DIS3L: variants seen among roughly 807,000 people sequenced by gnomAD.
DIS3L encodes DIS3-like exonuclease 1.
In DIS3L, 100 loss-of-function variants were observed where a neutral mutation model predicts 120.3. That is an observed-to-expected ratio of 0.83 (90% confidence interval 0.71 to 0.98). The LOEUF is 0.98. Ranked by LOEUF, DIS3L falls within the 50% of genes least tolerant of loss-of-function variation. DIS3L has a pLI of 0.00. For synonymous variants in DIS3L, 426 were observed against 470.6 expected (o/e 0.91, Z 1.23); for missense variants, 1,196 against 1,314.2 (o/e 0.91, Z 1.39).
chr15:66,295,285 A>G, intron 2 of DIS3L, 144 bp downstream of exon 2: 1 of 735,614 alleles, frequency 1.4e-6, no homozygotes, highest in South Asian at 2.1e-5. Context: ...TTTGATAGTG[A>G]GGAATGCAGT....
chr15:66,312,626 A>G (rs1227643398), intron 5 of DIS3L, among the ~76,000 whole-genome samples: 1 of 152,192 alleles, frequency 6.6e-6, no homozygotes, highest in Non-Finnish European at 1.5e-5. Flanking sequence ...CCAGGACCCT[A>G]GAACTCAGAT....
At chr15:66,299,051 T>C (rs2092619617) in intron 2 of DIS3L, among the ~76,000 whole-genome samples, 1 of 152,044 alleles carries the variant, frequency 6.6e-6, no homozygotes, top group South Asian at 2.1e-4. Flanking sequence ...GACGCCTAGG[T>C]GGAGGTCCAA....
At chr15:66,305,860 C>T (rs1042413002) in intron 2 of DIS3L, among the ~76,000 whole-genome samples, 21 of 152,138 alleles carry the variant, frequency 1.4e-4, no homozygotes, top group African/African-American at 2.7e-4. Context: ...AGTTGACTCC[C>T]TTTAACATAA....
intron 2 of DIS3L, among the ~76,000 whole-genome samples, chr15:66,300,739 G>C (rs924157608): frequency 1.6e-4 from 24 of 152,196 alleles, no homozygotes; most frequent in African/African-American, 5.8e-4. Context: ...GATGGAGAGA[G>C]GGAACACTAG....
intron 4 of DIS3L, 134 bp from the exon 5 acceptor site, chr15:66,311,590 C>A: frequency 2.0e-6 from 2 of 989,122 alleles, no homozygotes; most frequent in South Asian, 1.4e-5. Context: ...GAGTGAGGCT[C>A]AGGAAGTCCT....
intron 7 of DIS3L, among the ~76,000 whole-genome samples, chr15:66,315,509 AATACAGTACATTGTT>A (rs2092808451): frequency 6.6e-6 from 1 of 152,108 alleles, no homozygotes; most frequent in South Asian, 2.1e-4. Flanking sequence ...AATTTTCAAG[AATACAGTACATTGTT>A]ATTAACTATA....
chr15:66,315,741 T>A (rs1288450766), intron 7 of DIS3L, among the ~76,000 whole-genome samples: 1 of 152,180 alleles, frequency 6.6e-6, no homozygotes, highest in Non-Finnish European at 1.5e-5. Context: ...CAGAGTATAG[T>A]TAACTCCACG....
At chr15:66,322,960 T>C (rs376909875) in intron 10 of DIS3L, 26 bp downstream of exon 10, 4 of 1,612,314 alleles carry the variant, frequency 2.5e-6, no homozygotes, top group Non-Finnish European at 3.4e-6. Flanking sequence ...ATCAGCTCTA[T>C]GGTTGTGTGT....
intron 7 of DIS3L, 49 bp downstream of exon 7, chr15:66,315,264 A>G: frequency 6.5e-7 from 1 of 1,530,730 alleles, no homozygotes. Flanking sequence ...TTGTGGAATT[A>G]TATTTGTCTC....
Position 66,309,094 on chromosome 15 carries a change from A to AAAAAAATAT in DIS3L, c.558+251_558+252insAAAAATATA. Reference sequence around the variant, plus strand: ...CTTGTCTCTACAGAAAAAAAAAAAAAATATATATATCTCCAAGCATGGTGG... The same window carrying AAAAAAATAT: ...CTTGTCTCTACAGAAAAAAAAAAAAAAAAAAATATATATATATATCTCCAAGCATGGTGG... On this transcript the variant is annotated intron_variant, in intron 4 of 16. Transcript: ENST00000319212. Among the ~76,000 whole-genome samples, 34 of 15,320 alleles carry AAAAAAATAT rather than the reference A, an allele frequency of 2.2e-3. 11 individuals carry two copies. Among genetic ancestry groups the AAAAAAATAT allele is most frequent in the Non-Finnish European group, 3.6e-3 (30 of 8,310 alleles). 10.1% of individuals were successfully genotyped at this position (15,320 alleles called of 152,430 possible).
rs747163301 is a variant in DIS3L, at chr15:66,318,474, G to T, written c.1020G>T (p.Lys340Asn). The T allele has an allele frequency of 5.0e-6, 8 of 1,613,982 alleles. 1 individual carries two copies. Among genetic ancestry groups the T allele is most frequent in the South Asian group, 3.3e-5 (3 of 91,052 alleles). Reference sequence around the variant, plus strand: ...GTCGAGTGGTGGGCATACTTCAGAAGAACTGGCGGGATTATGTGGTGACAT... The same window carrying T: ...GTCGAGTGGTGGGCATACTTCAGAATAACTGGCGGGATTATGTGGTGACAT... ...PTGRVVGILQ[K>N]NWRDYVVTFP... Residue 340 changes from lysine to asparagine, a missense_variant, in exon 8 of 17, where the codon AAG (lysine) becomes AAT (asparagine). Coordinates refer to ENST00000319212, the MANE Select transcript of DIS3L (RefSeq NM_001143688.3).
intron 15 of DIS3L, 25 bp from the exon 16 acceptor site, chr15:66,332,711 G>C (rs368013066): frequency 1.3e-4 from 208 of 1,574,660 alleles, no homozygotes; most frequent in Admixed American, 1.8e-4. Context: ...ATTGTCTCTG[G>C]ATTTATATTC....
intron 8 of DIS3L, 80 bp from the exon 9 acceptor site, chr15:66,320,491 C>T (rs2092870453): frequency 3.4e-6 from 5 of 1,469,824 alleles, no homozygotes; most frequent in Non-Finnish European, 4.6e-6. Flanking sequence ...GTATTGTTTG[C>T]CTCTTGTTTG....
chr15:66,329,553 G>A, intron 14 of DIS3L, 154 bp downstream of exon 14: 3 of 1,322,170 alleles, frequency 2.3e-6, no homozygotes, highest in East Asian at 2.9e-5. Context: ...GATGTTCTCA[G>A]GTAACTTGTG....
At chr15:66,299,909 C>G (rs1309277651) in intron 2 of DIS3L, among the ~76,000 whole-genome samples, 2 of 151,812 alleles carry the variant, frequency 1.3e-5, no homozygotes, top group African/African-American at 4.8e-5. Context: ...AATTAGCCAG[C>G]TGTGTGTGAT....
chr15:66,331,676 A>G (rs1408043250), intron 14 of DIS3L, 199 bp from the exon 15 acceptor site: 4 of 509,954 alleles, frequency 7.8e-6, no homozygotes, highest in Non-Finnish European at 1.2e-5. Context: ...ATTTTATAAA[A>G]TAATTCATTT....
intron 4 of DIS3L, among the ~76,000 whole-genome samples, chr15:66,309,094 A>AAAAAAAAATAT: frequency 1.3e-4 from 2 of 15,318 alleles, no homozygotes; most frequent in Non-Finnish European, 1.2e-4. Context: ...AAAAAAAAAA[A>AAAAAAAAATAT]ATATATATAT....
upstream of DIS3L, chr15:66,293,502 G>C (rs561104597): frequency 1.2e-4 from 144 of 1,249,578 alleles, 1 homozygote; most frequent in African/African-American, 2.0e-3. Context: ...CGGCGGTTCC[G>C]GAGCCGCGGC....
rs543274035 is a variant in DIS3L, at chr15:66,329,111, G to C, written c.2343G>C (p.Glu781Asp). The C allele has an allele frequency of 6.2e-7, 1 of 1,611,960 alleles. No homozygotes were observed. Among genetic ancestry groups the C allele is most frequent in the Admixed American group, 1.7e-5 (1 of 59,284 alleles). The change falls in exon 13 of 17, where the codon GAG (glutamate) becomes GAC (aspartate). Residue 781 changes from glutamate to aspartate, a missense_variant. Glu to Asp is a conservative substitution (Grantham distance 45, BLOSUM62 2). Transcript: ENST00000319212. Reference sequence around the variant, plus strand: ...CCACCGGATCCTGTGCGGAGGAGGAGTTCCATCATTACGGTGAATCATACC... The same window carrying C: ...CCACCGGATCCTGTGCGGAGGAGGACTTCCATCATTACGGTGAATCATACC... ...YFSTGSCAEE[E>D]FHHYGLALDK...
Sources: allele counts gnomAD v4.1 joint callset (sites outside exome capture counted in the v4.1 genomes callset), GRCh38; gene constraint gnomAD v4.1.1; transcripts MANE v1.5; gene names NCBI Gene and HGNC (gene_info 2026-07-23, HGNC 2026-07-21).